Variants in HSPG2 observed in about 807,000 individuals in gnomAD.
HSPG2 encodes the protein heparan sulfate proteoglycan 2, also known as basement membrane-specific heparan sulfate proteoglycan core protein.
In HSPG2, 278 loss-of-function variants were observed where a neutral mutation model predicts 526.6. That is an observed-to-expected ratio of 0.53 (90% CI 0.48 to 0.58). The LOEUF is 0.58. Among genes scored for constraint, HSPG2 ranks in the 20% least tolerant of loss-of-function variants. The probability of loss-of-function intolerance (pLI) is 0.00; values close to 1 mark genes in which losing one functional copy is unlikely to be tolerated. For missense variants in HSPG2, 5,354 were observed against 6,099.5 expected (o/e 0.88, Z 4.07); for synonymous variants, 2,465 against 2,555.4 (o/e 0.96, Z 1.07).
intron 1 of HSPG2, among the ~76,000 whole-genome samples, chr1:21,912,456 CAA>C (rs1643728298): frequency 6.6e-6 from 1 of 152,132 alleles, no homozygotes; most frequent in Admixed American, 6.5e-5. Context: ...CAAAAGGTTC[CAA>C]TGCATTCCTG....
Position 21,851,590 on chromosome 1 carries a change from C to G in HSPG2, c.7114G>C (p.Val2372Leu), listed in dbSNP as rs757571594. The change falls in exon 55 of 97, where the codon GTC (valine) becomes CTC (leucine). Residue 2372 changes from valine (V) to leucine (L), a missense_variant. Physicochemically the swap from Val to Leu is conservative, Grantham distance 32. Transcript: ENST00000374695. The part of the protein sequence containing the change: ...CVVPGQSHAQ[V>L]TWHKRGGSLP... ...CTGCCCCCACGCTTGTGCCACGTGA[C>G]CTGGGCATGGGACTGCCCGGGCACC... 1 of 1,613,996 alleles carries G rather than the reference C, an allele frequency of 6.2e-7. No homozygotes were observed. Among genetic ancestry groups the G allele is most frequent in the Non-Finnish European group, 8.5e-7 (1 of 1,180,034 alleles).
rs565579261 is a variant in HSPG2 at position 21,872,133 on chromosome 1, A to G, written c.4221+53T>C. ...GCCTGCCTGCTGAGAGACGGCGCAGAGGTGAACTCATGTCTGAGTCACGGC... is the reference window on the plus strand; with the variant it reads ...GCCTGCCTGCTGAGAGACGGCGCAGGGGTGAACTCATGTCTGAGTCACGGC... On this transcript the variant is annotated intron_variant, in intron 33 of 96. Transcript: ENST00000374695. This position sits in a 1 kb window ranked among gnomAD's most constrained non-coding sequence, Gnocchi z 5.5. The G allele has an allele frequency of 1.9e-5, 29 of 1,537,614 alleles. No homozygotes were observed. In the East Asian group the frequency reaches 6.9e-4, roughly 36 times the overall value.
At chr1:21,921,715 C>T (rs1644044201) in intron 1 of HSPG2, among the ~76,000 whole-genome samples, 1 of 152,208 alleles carries the variant, frequency 6.6e-6, no homozygotes, top group South Asian at 2.1e-4. Context: ...AGCATCCGCT[C>T]CTCCCTACTG....
intron 1 of HSPG2, among the ~76,000 whole-genome samples, chr1:21,923,103 C>T (rs1207519846): frequency 6.6e-6 from 1 of 152,098 alleles, no homozygotes; most frequent in Non-Finnish European, 1.5e-5. Flanking sequence ...TCCATTTCTC[C>T]TAAATGAAAA....
At chr1:21,927,544 T>C (rs879387025) in intron 1 of HSPG2, among the ~76,000 whole-genome samples, 43 of 151,540 alleles carry the variant, frequency 2.8e-4, no homozygotes, top group Admixed American at 3.9e-4. Context: ...CCCCCCCCAC[T>C]GTCACTACCC....
Position 21,831,289 on chromosome 1 carries a change from TCTC to T in HSPG2, c.11485_11487del (p.Glu3829del). On this transcript the variant is annotated inframe_deletion, in exon 84 of 97. Transcript: ENST00000374695. ...GTGAGGTTGAGGTCATGGAAGACGA[TCTC>T]CTCGCCCTGGATGCGCAGCTCCCGG... 1 of 1,613,968 alleles carries T rather than the reference TCTC, an allele frequency of 6.2e-7. No individual in the cohort carries two copies. The highest frequency in any genetic ancestry group is 8.5e-7 in the Non-Finnish European group (1 of 1,179,954).
Position 21,852,958 on chromosome 1 carries a change from C to T in HSPG2, c.6552G>A (p.Thr2184=), listed in dbSNP as rs34443576. ...VVPGQAHAQV[T]WHKRGGSLPA... ...GGAGGCTGCCCCCACGCTTGTGCCA[C>T]GTGACCTGGGCGTGGGCCTGCCCGG... The change falls in exon 51 of 97, where the codon ACG becomes ACA. Residue 2184 remains threonine (T), a synonymous_variant. Coordinates refer to ENST00000374695, the MANE Select transcript of HSPG2 (RefSeq NM_005529.7). 0.057 allele frequency: 91,116 copies of T among 1,612,014 alleles called. 3,077 individuals carry two copies. The highest frequency in any genetic ancestry group is 0.11 in the South Asian group (9,944 of 90,884).
chr1:21,827,393 CT>C (rs1456127646), intron 91 of HSPG2, among the ~76,000 whole-genome samples: 3 of 152,176 alleles, frequency 2.0e-5, no homozygotes, highest in African/African-American at 7.2e-5. Flanking sequence ...AGTCTATACT[CT>C]TACCCACTAT....
intron 1 of HSPG2, 52 bp from the exon 2 acceptor site, chr1:21,896,362 C>G: frequency 6.2e-7 from 1 of 1,602,828 alleles, no homozygotes; most frequent in Non-Finnish European, 8.5e-7. Flanking sequence ...CCCACTGAGC[C>G]CCACGGTCCT....
In HSPG2 at chr1:21,880,774, A is replaced by C. The variant is rs959019626; in HGVS notation, c.1880T>G (p.Leu627Arg). ...NVRYELARGMLEPVQRPDVVL... is the reference protein window; with the variant it reads ...NVRYELARGMREPVQRPDVVL... ...CACGTCCGGCCGCTGCACTGGCTCCAGCATGCCACGGGCCAACTCGTAGCG... is the reference window on the plus strand; with the variant it reads ...CACGTCCGGCCGCTGCACTGGCTCCCGCATGCCACGGGCCAACTCGTAGCG... The change falls in exon 15 of 97, where the codon CTG becomes CGG. Residue 627 changes from leucine (L) to arginine (R), a missense_variant. Physicochemically the swap from Leu to Arg is moderately radical, Grantham distance 102. Transcript: ENST00000374695. The C allele has an allele frequency of 6.3e-7, 1 of 1,599,810 alleles. No individual in the cohort carries two copies. Among genetic ancestry groups the C allele is most frequent in the African/African-American group, 1.3e-5 (1 of 74,714 alleles).
At chr1:21,849,805 G>A (rs947282511) in intron 57 of HSPG2, among the ~76,000 whole-genome samples, 6 of 151,878 alleles carry the variant, frequency 4.0e-5, no homozygotes, top group Admixed American at 2.0e-4. Context: ...TCAGCCTCCC[G>A]AGTAGCTGGG....
In HSPG2 at chr1:21,834,761, C is replaced by A. The variant is rs1289415559; in HGVS notation, c.10638G>T (p.Glu3546Asp). The A allele has an allele frequency of 1.9e-6, 3 of 1,614,206 alleles. No homozygotes were observed. The East Asian group carries it at 6.7e-5, about 36-fold the overall frequency. ...SGGVVRIAHV[E>D]LADAGQYRCT... ...AGCGATACTGTCCCGCATCAGCCAG[C>A]TCTACGTGGGCGATCCTGACGACAC... Residue 3546 changes from glutamate to aspartate, a missense_variant, in exon 77 of 97, where the codon GAG becomes GAT. Transcript: ENST00000374695.
intron 50 of HSPG2, among the ~76,000 whole-genome samples, 155 bp downstream of exon 50, chr1:21,854,038 C>T (rs768255130): frequency 1.3e-5 from 2 of 152,174 alleles, no homozygotes; most frequent in Non-Finnish European, 2.9e-5. Flanking sequence ...ACCTCCCTCC[C>T]GTCCACTCAA....
At chr1:21,829,684 G>T in intron 86 of HSPG2, 80 bp from the exon 87 acceptor site, 2 of 1,255,392 alleles carry the variant, frequency 1.6e-6, no homozygotes, top group Admixed American at 2.2e-5. Flanking sequence ...CTTCCTCTGG[G>T]ACCCTTGCCT....
intron 96 of HSPG2, 38 bp downstream of exon 96, chr1:21,823,578 G>A (rs774866877): frequency 5.0e-6 from 8 of 1,609,178 alleles, no homozygotes; most frequent in African/African-American, 2.7e-5. Context: ...AGGGAGTGCC[G>A]TTCCTGCCCC....
chr1:21,832,903 A>C, intron 80 of HSPG2: 1 of 568,850 alleles, frequency 1.8e-6, no homozygotes, highest in Non-Finnish European at 3.2e-6. Flanking sequence ...CTGGACAGTG[A>C]AAGTCAGAGA....
Position 21,881,426 on chromosome 1 carries a change from C to T in HSPG2, c.1731G>A (p.Leu577=), listed in dbSNP as rs1401901785. The T allele has an allele frequency of 1.2e-6, 2 of 1,613,818 alleles. No individual in the cohort carries two copies. Among genetic ancestry groups the T allele is most frequent in the Non-Finnish European group, 1.7e-6 (2 of 1,180,030 alleles). ...ACAGGTCGACTAGCTGGAACTCGTG[C>T]AGGGATGGGTCGATCTGCAGCTGCG... ...SSTQLQIDPS[L]HEFQLVDLSR... is the part of the protein sequence containing the mutation. The change falls in exon 14 of 97, where the codon CTG becomes CTA. Residue 577 remains leucine (L), a synonymous_variant. Coordinates refer to ENST00000374695, the MANE Select transcript of HSPG2 (RefSeq NM_005529.7).
Position 21,841,527 on chromosome 1 carries a change from A to T in HSPG2, c.9328+12T>A, listed in dbSNP as rs1268109055. 1 of 1,614,074 alleles carries T rather than the reference A, an allele frequency of 6.2e-7. No individual in the cohort carries two copies. Among genetic ancestry groups the T allele is most frequent in the Non-Finnish European group, 8.5e-7 (1 of 1,180,006 alleles). ...AACAGGGCAGAGCCCCACAGGGTCA[A>T]CGTCCCCTCACCGTGCACACTGAGG... On this transcript the variant is annotated intron_variant, in intron 70 of 96. Transcript: ENST00000374695.
chr1:21,894,683 G>T (rs1642618495), intron 3 of HSPG2, among the ~76,000 whole-genome samples: 1 of 152,188 alleles, frequency 6.6e-6, no homozygotes, highest in Non-Finnish European at 1.5e-5. Flanking sequence ...TGCTGCAGTG[G>T]GCAGCCCCCG....
Sources: allele counts gnomAD v4.1 joint callset (sites outside exome capture counted in the v4.1 genomes callset), GRCh38; gene constraint gnomAD v4.1.1; non-coding constraint Gnocchi (gnomAD v3.1); transcripts MANE v1.5; gene names NCBI Gene and HGNC (gene_info 2026-07-23, HGNC 2026-07-21).